SAMD3: variants seen among roughly 807,000 people sequenced by gnomAD.
SAMD3 encodes sterile alpha motif domain containing 3.
In SAMD3, 63 loss-of-function variants were observed where a neutral mutation model predicts 58.5. The observed-to-expected ratio is 1.08, with a 90% CI of 0.88 to 1.33. The LOEUF (loss-of-function observed/expected upper bound fraction) is 1.33. SAMD3 is among the 40% of genes most tolerant of loss of function. SAMD3 has a pLI of 0.00. For synonymous variants in SAMD3, 220 were observed against 210.3 expected, an observed-to-expected ratio of 1.05 and a Z score of -0.40; for missense variants, 604 against 608.4, an observed-to-expected ratio of 0.99 and a Z score of 0.08.
At chr6:130,191,908 C>T (rs2114741114) in intron 5 of SAMD3, among the ~76,000 whole-genome samples, 1 of 152,358 alleles carries the variant, frequency 6.6e-6, no homozygotes, top group Non-Finnish European at 1.5e-5. Flanking sequence ...CAGACACAAG[C>T]CTTACTAAAT....
intron 2 of SAMD3, among the ~76,000 whole-genome samples, chr6:130,268,080 G>A (rs11963244): frequency 0.031 from 4,721 of 152,278 alleles, 241 homozygotes; most frequent in African/African-American, 0.11. Flanking sequence ...CGTTTGTGGT[G>A]ATGCTGGTGT....
Position 130,240,209 on chromosome 6 carries a change from A to C in SAMD3, c.-187-17396T>G, listed in dbSNP as rs1371816180. On this transcript the variant is annotated intron_variant, in intron 2 of 13. Coordinates refer to the SAMD3 transcript ENST00000368134. ...AGCTCTGGAAGGTTCCTCTTCTCAC[A>C]TACAACATTTTCCTTAACCCATACC... Among the ~76,000 whole-genome samples, 3 of 152,160 alleles carry C rather than the reference A, an allele frequency of 2.0e-5. No individual in the cohort carries two copies. In the East Asian group the frequency reaches 5.8e-4, roughly 29 times the overall value.
rs1392070462 is a variant in SAMD3, at chr6:130,155,034, C to T, written c.823-9G>A. The T allele has an allele frequency of 3.1e-6, 5 of 1,607,180 alleles. No individual in the cohort carries two copies. In the South Asian group the frequency reaches 4.4e-5, roughly 14 times the overall value. ...AAACAAACAGCTTCTTCCTGCAAAA[C>T]ATTTTCAACATATCAATGGATTCCA... On this transcript the variant is annotated splice_polypyrimidine_tract_variant and intron_variant, in intron 8 of 11. Transcript: ENST00000439090.
chr6:130,222,572 T>G (rs1407688325), intron 1 of SAMD3, 122 bp downstream of exon 1: 1 of 152,220 alleles, frequency 6.6e-6, no homozygotes, highest in Non-Finnish European at 1.5e-5. Flanking sequence ...AATCTCTGTT[T>G]GGAGGAATTA....
At chr6:130,200,409 C>T (rs373626720) in intron 5 of SAMD3, among the ~76,000 whole-genome samples, 31 of 150,336 alleles carry the variant, frequency 2.1e-4, no homozygotes, top group African/African-American at 7.6e-4. Context: ...ATTAGCCGGG[C>T]GTGGTTGCAT....
chr6:130,311,444 C>A (rs1473752426), intron 2 of SAMD3, among the ~76,000 whole-genome samples: 2 of 152,118 alleles, frequency 1.3e-5, no homozygotes, highest in Non-Finnish European at 1.5e-5. Flanking sequence ...GCCCATAGAG[C>A]AGTATTCCGA....
At chr6:130,252,718 C>T (rs17058617) in intron 2 of SAMD3, among the ~76,000 whole-genome samples, 18,307 of 152,068 alleles carry the variant, frequency 0.12, 1,490 homozygotes, top group East Asian at 0.36. Flanking sequence ...GTTGGAATTC[C>T]TTTGTGGCAA....
chr6:130,326,366 C>CTTTTTT (rs1444494681), intron 1 of SAMD3, among the ~76,000 whole-genome samples: 14 of 113,262 alleles, frequency 1.2e-4, no homozygotes, highest in South Asian at 6.4e-4. Flanking sequence ...AATGCCTGGT[C>CTTTTTT]ATTTTTTTTT....
At chr6:130,304,926 CTTTTTTTTTTTTT>C (rs777084920) in intron 2 of SAMD3, among the ~76,000 whole-genome samples, 1 of 103,376 alleles carries the variant, frequency 9.7e-6, no homozygotes, top group Admixed American at 1.1e-4. Context: ...CATTTTCTTC[CTTTTTTTTTTTTT>C]TTTTTTTTTT....
chr6:130,319,044 A>G (rs966586436), intron 1 of SAMD3, among the ~76,000 whole-genome samples: 13 of 152,198 alleles, frequency 8.5e-5, no homozygotes, highest in Non-Finnish European at 1.6e-4. Context: ...TATTGCAGAA[A>G]AAATGATGAG....
intron 1 of SAMD3, among the ~76,000 whole-genome samples, chr6:130,333,038 A>AGTGT (rs1167721658): frequency 2.4e-5 from 3 of 123,118 alleles, no homozygotes; most frequent in African/African-American, 9.8e-5. Flanking sequence ...GCCACAGTTG[A>AGTGT]GTATGCGTGT....
intron 1 of SAMD3, among the ~76,000 whole-genome samples, chr6:130,364,005 AG>A (rs1376375235): frequency 6.6e-6 from 1 of 152,232 alleles, no homozygotes; most frequent in Non-Finnish European, 1.5e-5. Flanking sequence ...ACTCAAGGTC[AG>A]GGAAAATTTA....
chr6:130,301,050 A>G (rs1381961395), intron 2 of SAMD3, among the ~76,000 whole-genome samples: 3 of 152,038 alleles, frequency 2.0e-5, no homozygotes, highest in Non-Finnish European at 2.9e-5. Context: ...ACTCCCACCT[A>G]TGAGTGAGAA....
At chr6:130,165,069 A>G (rs555500097) in intron 8 of SAMD3, among the ~76,000 whole-genome samples, 1 of 152,322 alleles carries the variant, frequency 6.6e-6, no homozygotes, top group South Asian at 2.1e-4. Context: ...TTCAATAATA[A>G]ATAGAACTAC....
chr6:130,314,757 T>C (rs6932318), intron 1 of SAMD3, among the ~76,000 whole-genome samples: 64,374 of 151,660 alleles, frequency 0.42, 15,211 homozygotes, highest in African/African-American at 0.64. Flanking sequence ...ATTCCGTCAA[T>C]AGGGGAATTG....
At chr6:130,253,610 A>G (rs1240428172) in intron 2 of SAMD3, among the ~76,000 whole-genome samples, 2 of 152,150 alleles carry the variant, frequency 1.3e-5, no homozygotes, top group Admixed American at 6.5e-5. Context: ...TTTATAGAAT[A>G]TAAGATTTTA....
At chr6:130,292,653 C>T (rs1775416873) in intron 2 of SAMD3, among the ~76,000 whole-genome samples, 3 of 148,486 alleles carry the variant, frequency 2.0e-5, no homozygotes, top group African/African-American at 7.5e-5. Flanking sequence ...GAGTCTCGCT[C>T]TGTCGCCCAG....
At chr6:130,281,414 A>G (rs1774976711) in intron 2 of SAMD3, among the ~76,000 whole-genome samples, 2 of 152,186 alleles carry the variant, frequency 1.3e-5, no homozygotes, top group African/African-American at 4.8e-5. Flanking sequence ...GAGGTGCACC[A>G]TTGCCAAGAT....
At position 130,234,245 on chromosome 6, in the gene SAMD3, T is replaced by TTTTA. The variant is rs569190439; in HGVS notation, c.-187-11436_-187-11433dup. Among the ~76,000 whole-genome samples the TTTTA allele has an allele frequency of 4.9e-3, 743 of 152,130 alleles. 2 individuals carry two copies. The highest frequency in any genetic ancestry group is 0.014 in the South Asian group (66 of 4,822). ...ATTTCTTCATATGGTCAAAATCCATTTTTATTTATTTATTTATTTATTTAT... is the reference window on the plus strand; with the variant it reads ...ATTTCTTCATATGGTCAAAATCCATTTTTATTTATTTATTTATTTATTTATTTAT... On this transcript the variant is annotated intron_variant, in intron 2 of 13. Coordinates refer to the SAMD3 transcript ENST00000368134.
Sources: allele counts gnomAD v4.1 joint callset (sites outside exome capture counted in the v4.1 genomes callset), GRCh38; gene constraint gnomAD v4.1.1; transcripts MANE v1.5; gene names NCBI Gene and HGNC (gene_info 2026-07-23, HGNC 2026-07-21).